Variants in WDR90 observed in about 807,000 individuals in gnomAD.
WDR90 encodes WD repeat-containing protein 90.
Under a neutral mutation model 195.2 loss-of-function variants are expected in WDR90, and 238 were observed. The observed-to-expected ratio is 1.22, with a 90% CI of 1.10 to 1.36. WDR90 has a LOEUF of 1.36. Among genes scored for constraint, WDR90 ranks in the 40% most tolerant of loss-of-function variants. The pLI is 0.00. For missense variants in WDR90, 2,734 were observed against 2,439.5 expected (o/e 1.12, Z -2.54); for synonymous variants, 1,265 against 1,052.4 (o/e 1.20, Z -3.91).
Position 666,198 on chromosome 16 carries a change from CAGGGTG to C in WDR90, c.4610-20_4610-15del. 1 of 1,608,406 alleles carries C rather than the reference CAGGGTG, an allele frequency of 6.2e-7. No homozygotes were observed. Among genetic ancestry groups the C allele is most frequent in the Non-Finnish European group, 8.5e-7 (1 of 1,176,522 alleles). On this transcript the variant is annotated splice_polypyrimidine_tract_variant and intron_variant, in intron 36 of 40. Coordinates refer to ENST00000293879, the MANE Select transcript of WDR90 (RefSeq NM_145294.5). The stretch of plus-strand genomic sequence containing the variant: ...GTCCAGTCTCCGGGCTGGGGGCTCA[CAGGGTG>C]ACGGCATGGTCCCAGGTCAGACTGT...
intron 22 of WDR90, 25 bp downstream of exon 22, chr16:658,369 C>T (rs776045936): frequency 1.5e-5 from 24 of 1,608,766 alleles, no homozygotes; most frequent in East Asian, 4.5e-5. Context: ...TGTGGCCCGC[C>T]GACCTGGCCC....
chr16:658,777 A>C, intron 23 of WDR90, 119 bp from the exon 24 acceptor site: 1 of 1,551,714 alleles, frequency 6.4e-7, no homozygotes, highest in East Asian at 2.3e-5. Context: ...TGACCCCCCA[A>C]GGATCCTCTG....
rs1336508888 is a variant in WDR90, at chr16:662,347, C to T, written c.4145+16C>T. 1.3e-6 allele frequency: 2 copies of T among 1,550,138 alleles called. No individual in the cohort carries two copies. The highest frequency in any genetic ancestry group is 1.9e-5 in the Admixed American group (1 of 51,448). On this transcript the variant is annotated intron_variant, in intron 33 of 40. Coordinates refer to ENST00000293879, the MANE Select transcript of WDR90 (RefSeq NM_145294.5). ...CAGGCGCCAGGTGAGCTGTTCACCCCTACGTGTTTTGGCTGCACGTGGGTG... is the reference window on the plus strand; with the variant it reads ...CAGGCGCCAGGTGAGCTGTTCACCCTTACGTGTTTTGGCTGCACGTGGGTG...
At position 659,095 on chromosome 16, in the gene WDR90, C is replaced by T. The variant is rs747026256; in HGVS notation, c.3021C>T (p.Ser1007=). The T allele has an allele frequency of 6.2e-7, 1 of 1,612,846 alleles. No individual in the cohort carries two copies. Among genetic ancestry groups the T allele is most frequent in the South Asian group, 1.1e-5 (1 of 91,080 alleles). ...DVLAPTESDQ[S]FPGAPPACKT... ...TCTCCTCCCTCTCCAGCGACCAAAG[C>T]TTCCCCGGGGCCCCCCCAGCCTGCA... Residue 1007 remains serine (S), a synonymous_variant, in exon 25 of 41, where the codon AGC becomes AGT. Coordinates refer to ENST00000293879, the MANE Select transcript of WDR90 (RefSeq NM_145294.5).
At chr16:659,859 G>A (rs1324482512) in intron 26 of WDR90, among the ~76,000 whole-genome samples, 199 bp from the exon 27 acceptor site, 3 of 152,224 alleles carry the variant, frequency 2.0e-5, no homozygotes, top group Non-Finnish European at 2.9e-5. Flanking sequence ...GAGGACGGTC[G>A]GTGAGTCCCC....
chr16:657,389 G>A (rs2037783538), intron 20 of WDR90, 168 bp downstream of exon 20: 4 of 1,143,056 alleles, frequency 3.5e-6, no homozygotes, highest in South Asian at 3.3e-5. Context: ...GGAGACTGTG[G>A]TTTAGCGTTC....
At position 665,705 on chromosome 16, in the gene WDR90, G is replaced by A; in HGVS notation, c.4338G>A (p.Gly1446=). 6.2e-7 allele frequency: 1 copy of A among 1,612,668 alleles called. No individual in the cohort carries two copies. Among genetic ancestry groups the A allele is most frequent in the Non-Finnish European group, 8.5e-7 (1 of 1,179,896 alleles). Reference sequence around the variant, plus strand: ...TGAACGAGGTGGTCTTCAGCCCCGGGGAGTCCCACTGCGCCACATGCAGTG... The same window carrying A: ...TGAACGAGGTGGTCTTCAGCCCCGGAGAGTCCCACTGCGCCACATGCAGTG... ...SKVNEVVFSP[G]ESHCATCSED... is the part of the protein sequence containing the mutation. Residue 1446 remains glycine, a synonymous_variant, in exon 35 of 41, where the codon GGG becomes GGA. Transcript: ENST00000293879.
intron 35 of WDR90, 57 bp downstream of exon 35, chr16:665,858 T>A: frequency 6.6e-7 from 1 of 1,526,086 alleles, no homozygotes; most frequent in Non-Finnish European, 8.9e-7. Context: ...GTGGGGGGCC[T>A]GGCATGGGCG....
chr16:659,045 C>A (rs529649162), intron 24 of WDR90, 34 bp downstream of exon 24: 1 of 1,612,844 alleles, frequency 6.2e-7, no homozygotes, highest in South Asian at 1.1e-5. Context: ...TCTGCCTAGG[C>A]CCCCCAGGCC....
In WDR90 at chr16:651,186, TCTGC is replaced by T. The variant is rs1176471905; in HGVS notation, c.669-7_669-4del. 6.2e-7 allele frequency: 1 copy of T among 1,613,228 alleles called. No homozygotes were observed. The highest frequency in any genetic ancestry group is 8.5e-7 in the Non-Finnish European group (1 of 1,179,988). The stretch of plus-strand genomic sequence containing the variant: ...TGGGCCCCCAGACACTGACTCTCCC[TCTGC>T]CTGCCAAGGTTTCCAAGTGAGAGCT... On this transcript the variant is annotated splice_polypyrimidine_tract_variant and intron_variant, in intron 6 of 40. Coordinates refer to ENST00000293879, the MANE Select transcript of WDR90 (RefSeq NM_145294.5).
Position 661,043 on chromosome 16 carries a change from G to A in WDR90, c.3392-8G>A. On this transcript the variant is annotated splice_polypyrimidine_tract_variant and splice_region_variant and intron_variant, in intron 28 of 40. Transcript: ENST00000293879. ...CCCGGCCTCAGGCCCCGCCCTCTCT[G>A]CGCACAGGCTTCTTTGCCTACACGT... is the stretch of plus-strand genomic sequence containing the variant. 1.7e-6 allele frequency: 2 copies of A among 1,147,256 alleles called. No individual in the cohort carries two copies. Among genetic ancestry groups the A allele is most frequent in the Non-Finnish European group, 2.2e-6 (2 of 925,482 alleles). The allele number at this position is 1,147,256 out of a possible 1,614,324, so 71.1% of individuals were successfully genotyped here. A position where few individuals can be genotyped will look rare whatever the true frequency, so the allele number is the denominator to read the frequency against.
Position 661,153 on chromosome 16 carries a change from C to A in WDR90, c.3494C>A (p.Ala1165Asp). Residue 1165 changes from alanine (A) to aspartate (D), a missense_variant, in exon 29 of 41, where the codon GCC becomes GAC. Ala to Asp is a moderately radical substitution (Grantham distance 126). Coordinates refer to ENST00000293879, the MANE Select transcript of WDR90 (RefSeq NM_145294.5). ...SGHSAEISTL[A>D]LSHSAQVLAS... is the part of the protein sequence containing the mutation. ...CACTCTGCGGAGATCTCCACGCTGGCCCTCAGCCACAGTGCCCAGGTGCCC... is the reference window on the plus strand; with the variant it reads ...CACTCTGCGGAGATCTCCACGCTGGACCTCAGCCACAGTGCCCAGGTGCCC... 6.4e-7 allele frequency: 1 copy of A among 1,554,130 alleles called. No homozygotes were observed.
chr16:649,521 C>T, intron 1 of WDR90, 95 bp downstream of exon 1: 1 of 1,266,136 alleles, frequency 7.9e-7, no homozygotes, highest in South Asian at 2.7e-5. Context: ...CCCGCCTAGG[C>T]CCTGAGGCCA....
chr16:659,179 G>A (rs990485965), intron 25 of WDR90, 53 bp downstream of exon 25: 106 of 1,609,726 alleles, frequency 6.6e-5, no homozygotes, highest in Non-Finnish European at 8.5e-5. Flanking sequence ...TCTGGGGCCC[G>A]TCCTGTGTCT....
chr16:649,703 C>G, intron 1 of WDR90, 60 bp from the exon 2 acceptor site: 1 of 1,500,316 alleles, frequency 6.7e-7, no homozygotes, highest in Non-Finnish European at 8.9e-7. Context: ...CGGCCCAGCC[C>G]CGCAGTGGCC....
Position 658,355 on chromosome 16 carries a change from G to A in WDR90, c.2766+11G>A, listed in dbSNP as rs1302683685. 6.2e-7 allele frequency: 1 copy of A among 1,611,126 alleles called. No homozygotes were observed. The highest frequency in any genetic ancestry group is 1.7e-5 in the Admixed American group (1 of 59,950). ...CGCATCATCCGGGAGGTGAGCCTCA[G>A]GGCTGTGGCCCGCCGACCTGGCCCT... On this transcript the variant is annotated intron_variant, in intron 22 of 40. Transcript: ENST00000293879.
In WDR90 at chr16:652,493, G is replaced by C; in HGVS notation, c.1080G>C (p.Arg360Ser). 6.2e-7 allele frequency: 1 copy of C among 1,610,626 alleles called. No homozygotes were observed. The highest frequency in any genetic ancestry group is 8.5e-7 in the Non-Finnish European group (1 of 1,178,176). The change falls in exon 10 of 41, where the codon AGG becomes AGC. Residue 360 changes from arginine to serine, a missense_variant. Arg to Ser is a moderately radical substitution (Grantham distance 110, BLOSUM62 -1). Coordinates refer to ENST00000293879, the MANE Select transcript of WDR90 (RefSeq NM_145294.5). ...CEGFLPDPVL[R>S]LKGVIGFGGH... ...GCTTCCTCCCAGACCCAGTCCTGAG[G>C]CTCAAGGGCGTCATCGGCTTTGGGG... is the stretch of plus-strand genomic sequence containing the variant.
At chr16:660,803 C>A (rs1007080870) in intron 28 of WDR90, 89 bp downstream of exon 28, 2 of 1,371,018 alleles carry the variant, frequency 1.5e-6, no homozygotes, top group African/African-American at 2.9e-5. Flanking sequence ...GACCTGGTGG[C>A]AAATGAGCGC....
rs777226357 is a variant in WDR90 at position 650,322 on chromosome 16, C to T, written c.348C>T (p.Leu116=). 6 of 1,612,932 alleles carry T rather than the reference C, an allele frequency of 3.7e-6. No homozygotes were observed. The Admixed American group carries it at 5.0e-5, about 13-fold the overall frequency. ...FKEFKSTATW[L]QFPLVLEART... Reference sequence around the variant, plus strand: ...AGTTTAAGTCTACGGCCACGTGGCTCCAGTTTCCCTTGGTCCTGGAGGCCA... The same window carrying T: ...AGTTTAAGTCTACGGCCACGTGGCTTCAGTTTCCCTTGGTCCTGGAGGCCA... The change falls in exon 4 of 41, where the codon CTC becomes CTT. Residue 116 remains leucine, a synonymous_variant. Transcript: ENST00000293879.
Sources: allele counts gnomAD v4.1 joint callset (sites outside exome capture counted in the v4.1 genomes callset), GRCh38; gene constraint gnomAD v4.1.1; transcripts MANE v1.5; gene names NCBI Gene and HGNC (gene_info 2026-07-23, HGNC 2026-07-21).